The following SLC2A9 variants were observed in gnomAD, a reference collection of about 807,000 sequenced individuals.
The protein encoded by SLC2A9 is solute carrier family 2 member 9.
Under a neutral mutation model 50.6 loss-of-function variants are expected in SLC2A9, and 39 were observed. The observed-to-expected ratio is 0.77, with a 90% confidence interval of 0.60 to 1.01. The LOEUF is 1.01. Among genes scored for constraint, SLC2A9 ranks in the 50% least tolerant of loss-of-function variants. SLC2A9 has a pLI of 0.00. For missense variants in SLC2A9, 686 were observed against 677.6 expected, an observed-to-expected ratio of 1.01 and a Z score of -0.14; for synonymous variants, 324 against 276.9, an observed-to-expected ratio of 1.17 and a Z score of -1.69.
chr4:9,965,221 G>A (rs1162537737), intron 5 of SLC2A9, among the ~76,000 whole-genome samples: 2 of 152,220 alleles, frequency 1.3e-5, no homozygotes, highest in African/African-American at 4.8e-5. Flanking sequence ...TGTGAGAGGT[G>A]TGGGGAGCTG....
intron 2 of SLC2A9, among the ~76,000 whole-genome samples, chr4:10,008,344 C>G (rs528142766): frequency 5.3e-5 from 8 of 152,352 alleles, no homozygotes; most frequent in African/African-American, 1.9e-4. Flanking sequence ...ACGCCCCAGG[C>G]TGGAAAAGGT....
At chr4:9,859,114 C>T (rs901433966) in intron 10 of SLC2A9, among the ~76,000 whole-genome samples, 1 of 152,218 alleles carries the variant, frequency 6.6e-6, no homozygotes, top group African/African-American at 2.4e-5. Context: ...ACTGATCCAC[C>T]ACTGGCTTCC....
At chr4:9,920,345 T>C (rs1272964276) in intron 7 of SLC2A9, 40 bp downstream of exon 7, 1 of 1,610,386 alleles carries the variant, frequency 6.2e-7, no homozygotes, top group African/African-American at 1.3e-5. Context: ...CTCTGATCCC[T>C]CCAGTCATGC....
At chr4:9,990,263 G>T (rs139468455) in intron 3 of SLC2A9, among the ~76,000 whole-genome samples, 5 of 152,226 alleles carry the variant, frequency 3.3e-5, no homozygotes, top group African/African-American at 1.2e-4. Flanking sequence ...AGCAAGGATG[G>T]CCACACTGGG....
intron 5 of SLC2A9, among the ~76,000 whole-genome samples, chr4:9,963,475 C>A (rs1447624514): frequency 6.6e-6 from 1 of 152,178 alleles, no homozygotes; most frequent in Non-Finnish European, 1.5e-5. Flanking sequence ...TACGTTGATA[C>A]AAAGATGAGA....
Position 9,996,820 on chromosome 4 carries a change from CCCA to C in SLC2A9, c.368_370del (p.Val123del). 6.2e-7 allele frequency: 1 copy of C among 1,614,118 alleles called. No homozygotes were observed. On this transcript the variant is annotated inframe_deletion, in exon 3 of 12. Transcript: ENST00000264784. ...TCCAATCATCTTCACAATTAACGTC[CCCA>C]CAAGTCCACCGATGGCGAATATGGA...
intron 10 of SLC2A9, among the ~76,000 whole-genome samples, chr4:9,867,086 A>G (rs1187270590): frequency 6.6e-6 from 1 of 152,236 alleles, no homozygotes; most frequent in East Asian, 1.9e-4. Context: ...ACAGAAAAAC[A>G]ATGGGCAGCG....
At chr4:9,887,419 G>T in intron 10 of SLC2A9, 148 bp downstream of exon 10, 2 of 721,248 alleles carry the variant, frequency 2.8e-6, no homozygotes, top group Non-Finnish European at 4.5e-6. Context: ...CATTTAAATT[G>T]GGCCAAAAGA....
chr4:10,000,041 G>A (rs1037250028), intron 2 of SLC2A9, among the ~76,000 whole-genome samples: 5 of 152,206 alleles, frequency 3.3e-5, no homozygotes, highest in Non-Finnish European at 5.9e-5. Flanking sequence ...ATGGTCTGAT[G>A]GAAGGAAATG....
intron 5 of SLC2A9, among the ~76,000 whole-genome samples, chr4:9,977,106 G>A (rs983736691): frequency 2.0e-5 from 3 of 152,086 alleles, no homozygotes; most frequent in Non-Finnish European, 4.4e-5. Flanking sequence ...AGTCCTGGCT[G>A]GGATCCAATC....
At chr4:9,836,088 CAA>C (rs35303241) in intron 10 of SLC2A9, among the ~76,000 whole-genome samples, 7 of 48,224 alleles carry the variant, frequency 1.5e-4, no homozygotes, top group East Asian at 8.1e-4. Flanking sequence ...AACTCCCTCT[CAA>C]AAAAAAAAAA....
intron 10 of SLC2A9, among the ~76,000 whole-genome samples, chr4:9,865,950 C>T (rs933789582): frequency 1.3e-5 from 2 of 152,284 alleles, no homozygotes; most frequent in Non-Finnish European, 1.5e-5. Flanking sequence ...GGCTCCCAGA[C>T]GCAAGGATGT....
At chr4:10,005,784 C>A (rs1220642358) in intron 2 of SLC2A9, among the ~76,000 whole-genome samples, 1 of 152,206 alleles carries the variant, frequency 6.6e-6, no homozygotes, top group African/African-American at 2.4e-5. Flanking sequence ...TGATCTTAAG[C>A]AATCTGTGTG....
chr4:9,842,109 G>A (rs1243092706), intron 10 of SLC2A9, among the ~76,000 whole-genome samples: 1 of 151,842 alleles, frequency 6.6e-6, no homozygotes, highest in Admixed American at 6.6e-5. Context: ...CTGTGTAAAG[G>A]TTTGCTTTGT....
intron 3 of SLC2A9, among the ~76,000 whole-genome samples, chr4:9,785,519 T>G (rs1227379464): frequency 6.6e-6 from 1 of 152,276 alleles, no homozygotes; most frequent in Non-Finnish European, 1.5e-5. Context: ...TGGAAGTTTT[T>G]ACAATATTCT....
chr4:9,878,252 T>C (rs1388269153), intron 10 of SLC2A9, among the ~76,000 whole-genome samples: 3 of 152,124 alleles, frequency 2.0e-5, no homozygotes. Context: ...CAAGAGTGGC[T>C]TTTGTCATTT....
At chr4:9,897,520 T>G (rs1362192024) in intron 8 of SLC2A9, among the ~76,000 whole-genome samples, 1 of 152,134 alleles carries the variant, frequency 6.6e-6, no homozygotes, top group Non-Finnish European at 1.5e-5. Flanking sequence ...TTTAGGTGAT[T>G]CAGTTAAAAT....
At chr4:9,802,645 C>A (rs761470282) in intron 3 of SLC2A9, among the ~76,000 whole-genome samples, 1 of 148,122 alleles carries the variant, frequency 6.8e-6, no homozygotes, top group African/African-American at 2.5e-5. Flanking sequence ...CACTGCAAAC[C>A]TTTACCTCAA....
intron 5 of SLC2A9, among the ~76,000 whole-genome samples, chr4:9,944,148 G>A (rs955195670): frequency 1.6e-4 from 24 of 152,286 alleles, no homozygotes; most frequent in African/African-American, 5.3e-4. Flanking sequence ...CAGGCTCATT[G>A]GGGAACAACA....
Sources: gnomAD v4.1 joint callset for allele counts (sites outside exome capture counted in the v4.1 genomes callset) on GRCh38, gnomAD v4.1.1 for gene constraint, MANE v1.5 for transcripts, NCBI Gene and HGNC (gene_info 2026-07-23, HGNC 2026-07-21) for gene names.